LIG1: variants seen among roughly 807,000 people sequenced by gnomAD.
The protein encoded by LIG1 is ligase I, DNA, ATP-dependent.
LIG1 carries 70 observed loss-of-function variants against 115.7 expected under a neutral mutation model. The ratio of observed to expected loss-of-function variants is 0.60; its 90% CI spans 0.50 to 0.74. The LOEUF is 0.74. Among genes scored for constraint, LIG1 ranks in the 30% least tolerant of loss-of-function variants. The pLI is 0.00. For synonymous variants in LIG1, 487 were observed against 495.3 expected (o/e 0.98, Z 0.22); for missense variants, 1,115 against 1,225.6 (o/e 0.91, Z 1.35).
chr19:48,119,061 C>A (rs746514195), intron 25 of LIG1, 76 bp downstream of exon 25: 8 of 1,216,204 alleles, frequency 6.6e-6, no homozygotes, highest in Non-Finnish European at 9.5e-6. Flanking sequence ...AAGCCAAGAG[C>A]CCTGCATGGA....
chr19:48,118,194 G>A (rs1043954752), intron 25 of LIG1, among the ~76,000 whole-genome samples: 11 of 152,282 alleles, frequency 7.2e-5, no homozygotes, highest in African/African-American at 2.6e-4. Flanking sequence ...GCAATGGAGA[G>A]AGAGAACCAA....
chr19:48,118,358 T>A, intron 25 of LIG1: 1 of 168,752 alleles, frequency 5.9e-6, no homozygotes, highest in Admixed American at 5.6e-5. Flanking sequence ...CTCGTGATAG[T>A]GAGGAAGTCT....
intron 12 of LIG1, among the ~76,000 whole-genome samples, chr19:48,138,324 G>A (rs1267638349): frequency 6.6e-6 from 1 of 152,160 alleles, no homozygotes; most frequent in Non-Finnish European, 1.5e-5. Flanking sequence ...AATAAAATGT[G>A]GAGATAACAT....
intron 23 of LIG1, 71 bp from the exon 24 acceptor site, chr19:48,121,393 C>T (rs368719023): frequency 1.8e-5 from 26 of 1,422,638 alleles, no homozygotes; most frequent in Middle Eastern, 1.8e-4. Context: ...TGGGGAGGGG[C>T]TCCTCAGTGG....
rs144023010 is a variant in LIG1, at chr19:48,127,512, G to A, written c.1933-164C>T. The A allele has an allele frequency of 8.2e-4, 547 of 665,500 alleles. 2 individuals carry two copies. The highest frequency in any genetic ancestry group is 7.3e-3 in the African/African-American group (415 of 57,018). 41.2% of individuals were successfully genotyped at this position (665,500 alleles called of 1,614,324 possible). A position where few individuals can be genotyped will look rare whatever the true frequency, so the allele number is the denominator to read the frequency against. On this transcript the variant is annotated intron_variant, in intron 20 of 27. Coordinates refer to ENST00000263274, the MANE Select transcript of LIG1 (RefSeq NM_000234.3). ...TGGCTCCAGGTGCTGGATCGTTAACGGCTCTCAGCTAATTCCGACAACCTC... is the reference window on the plus strand; with the variant it reads ...TGGCTCCAGGTGCTGGATCGTTAACAGCTCTCAGCTAATTCCGACAACCTC...
chr19:48,125,504 GA>G (rs66525371), intron 21 of LIG1, among the ~76,000 whole-genome samples: 18,359 of 152,120 alleles, frequency 0.12, 1,833 homozygotes, highest in African/African-American at 0.27. Context: ...GCCTAACGGA[GA>G]AAAAACGTTT....
At chr19:48,117,997 C>A in intron 25 of LIG1, 2 of 604,232 alleles carry the variant, frequency 3.3e-6, no homozygotes, top group Non-Finnish European at 5.8e-6. Context: ...GGAAAAGAAA[C>A]AAGACCCCCT....
At chr19:48,145,279 G>A (rs1248893509) in intron 9 of LIG1, among the ~76,000 whole-genome samples, 1 of 152,318 alleles carries the variant, frequency 6.6e-6, no homozygotes, top group African/African-American at 2.4e-5. Context: ...AATCTGCTCT[G>A]CCCCGGCCAG....
intron 21 of LIG1, among the ~76,000 whole-genome samples, chr19:48,124,938 G>A (rs907837066): frequency 2.0e-5 from 3 of 151,342 alleles, no homozygotes; most frequent in East Asian, 3.9e-4. Flanking sequence ...TCACTTGAAC[G>A]CCAGAGGCGG....
At chr19:48,128,991 C>T (rs1032769840) in intron 19 of LIG1, among the ~76,000 whole-genome samples, 7 of 152,122 alleles carry the variant, frequency 4.6e-5, no homozygotes, top group South Asian at 2.1e-4. Context: ...AACTCCTGAC[C>T]GCAAGTGATC....
intron 19 of LIG1, among the ~76,000 whole-genome samples, chr19:48,130,838 T>A (rs1053704626): frequency 6.6e-6 from 1 of 152,166 alleles, no homozygotes; most frequent in African/African-American, 2.4e-5. Context: ...ATAAGCTTGG[T>A]TCAGGGGGAC....
rs765456868 is a variant in LIG1, at chr19:48,143,552, ACCT to A, written c.902_904del (p.Glu301del). ...AGTCCTCATTAGTTACCGAGCAGAC[ACCT>A]CCTCGATCTTCTCAAACGTCCGGGC... is the stretch of plus-strand genomic sequence containing the variant. On this transcript the variant is annotated inframe_deletion, in exon 11 of 28. Transcript: ENST00000263274. The A allele has an allele frequency of 1.4e-6, 2 of 1,386,408 alleles. No homozygotes were observed. The highest frequency in any genetic ancestry group is 3.9e-5 in the Admixed American group (2 of 51,064). 85.9% of individuals were successfully genotyped at this position (1,386,408 alleles called of 1,614,324 possible).
chr19:48,156,938 CAAAAAAAA>C (rs370802542), intron 5 of LIG1, 68 bp downstream of exon 5: 83 of 610,978 alleles, frequency 1.4e-4, no homozygotes, highest in African/African-American at 3.8e-4. Context: ...GACTATGTCT[CAAAAAAAA>C]AAAAAAAAAA....
chr19:48,158,866 G>C (rs1017880805), intron 4 of LIG1, among the ~76,000 whole-genome samples: 15 of 152,270 alleles, frequency 9.9e-5, no homozygotes, highest in African/African-American at 3.6e-4. Flanking sequence ...CCACCACAGA[G>C]GTGTGAATTT....
chr19:48,163,507 G>A (rs969408090), intron 2 of LIG1, among the ~76,000 whole-genome samples: 2 of 151,976 alleles, frequency 1.3e-5, no homozygotes, highest in South Asian at 4.1e-4. Flanking sequence ...GAGCCACTGC[G>A]CCCGGCCTAC....
In LIG1 at chr19:48,121,196, T is replaced by C; in HGVS notation, c.2359A>G (p.Ser787Gly). Residue 787 changes from serine (S) to glycine (G), a missense_variant, in exon 24 of 28, where the codon AGT (serine) becomes GGT (glycine). By Grantham distance (56) the Ser-to-Gly change is moderately conservative. Transcript: ENST00000263274. ...GFLLASYDED[S>G]EELQAICKLG... The stretch of plus-strand genomic sequence containing the variant: ...TTGCATATGGCCTGCAGCTCCTCAC[T>C]GTCCTCGTCGTAGGAGGCCAGCAGG... The C allele has an allele frequency of 6.2e-7, 1 of 1,614,110 alleles. No individual in the cohort carries two copies. The highest frequency in any genetic ancestry group is 1.1e-5 in the South Asian group (1 of 91,088).
chr19:48,167,912 GAAGT>G (rs1437163546), intron 1 of LIG1, among the ~76,000 whole-genome samples: 1 of 151,530 alleles, frequency 6.6e-6, no homozygotes, highest in African/African-American at 2.4e-5. Flanking sequence ...TGGGGAGCAG[GAAGT>G]AAGCAATGCT....
At chr19:48,153,166 G>A (rs2035581390) in intron 6 of LIG1, among the ~76,000 whole-genome samples, 1 of 138,494 alleles carries the variant, frequency 7.2e-6, no homozygotes, top group South Asian at 2.2e-4. Context: ...CTGCACTGTA[G>A]CCTGAGCGAC....
At chr19:48,120,544 T>C in intron 24 of LIG1, 1 of 985,250 alleles carries the variant, frequency 1.0e-6, no homozygotes, top group South Asian at 4.7e-5. Flanking sequence ...GTCCAAAATG[T>C]GCACAGCTTT....
Sources: gnomAD v4.1 joint callset for allele counts (sites outside exome capture counted in the v4.1 genomes callset) on GRCh38, gnomAD v4.1.1 for gene constraint, MANE v1.5 for transcripts, NCBI Gene and HGNC (gene_info 2026-07-23, HGNC 2026-07-21) for gene names.